Variants in MYO7A observed in about 807,000 individuals in gnomAD.
MYO7A encodes unconventional myosin-VIIa.
MYO7A carries 210 observed loss-of-function variants against 263.8 expected under a neutral mutation model. The observed-to-expected ratio is 0.80, with a 90% CI of 0.71 to 0.89. The LOEUF (loss-of-function observed/expected upper bound fraction) is 0.89. Among genes scored for constraint, MYO7A ranks in the 40% least tolerant of loss-of-function variants. The pLI is 0.00. For missense variants in MYO7A, 2,820 were observed against 2,968.3 expected, an observed-to-expected ratio of 0.95 and a Z score of 1.16; for synonymous variants, 1,239 against 1,197.3, an observed-to-expected ratio of 1.03 and a Z score of -0.72.
intron 31 of MYO7A, chr11:77,193,900 A>G (rs10899359): frequency 0.54 from 226,580 of 416,648 alleles, 63,779 homozygotes; most frequent in African/African-American, 0.68. Flanking sequence ...AACGGTGGTA[A>G]TGGTGATGGA....
intron 31 of MYO7A, among the ~76,000 whole-genome samples, chr11:77,193,114 T>C (rs1271041962): frequency 7.1e-6 from 1 of 140,962 alleles, no homozygotes; most frequent in African/African-American, 2.7e-5. Context: ...ATGCTGTTGG[T>C]GATGGTGGAG....
At chr11:77,188,797 G>C (rs894882477) in intron 27 of MYO7A, among the ~76,000 whole-genome samples, 1 of 152,102 alleles carries the variant, frequency 6.6e-6, no homozygotes, top group Non-Finnish European at 1.5e-5. Context: ...AGTCATACAT[G>C]GCCCCTTAAG....
In MYO7A at chr11:77,194,533, G is replaced by A. The variant is rs757750310; in HGVS notation, c.4323+9G>A. 4 of 1,585,316 alleles carry A rather than the reference G, an allele frequency of 2.5e-6. No homozygotes were observed. Among genetic ancestry groups the A allele is most frequent in the Middle Eastern group, 1.7e-4 (1 of 5,996 alleles). ...TCGCCGCCCACAAGAAGGTAGAAGG[G>A]CTGAGAGGAGTCCTAGAGAAGGGAT... On this transcript the variant is annotated intron_variant, in intron 32 of 48. Coordinates refer to ENST00000409709, the MANE Select transcript of MYO7A (RefSeq NM_000260.4).
At chr11:77,210,796 G>A (rs1432726702) in intron 44 of MYO7A, 2 of 182,076 alleles carry the variant, frequency 1.1e-5, no homozygotes, top group East Asian at 2.8e-4. Context: ...AGAGGAGGAT[G>A]GGCCCAGGAG....
At chr11:77,183,784 C>A (rs1955447230) in intron 26 of MYO7A, among the ~76,000 whole-genome samples, 1 of 152,140 alleles carries the variant, frequency 6.6e-6, no homozygotes, top group African/African-American at 2.4e-5. Context: ...CTCCAGGAAG[C>A]CTCCCCAGCT....
intron 4 of MYO7A, among the ~76,000 whole-genome samples, chr11:77,149,204 ATGT>A (rs1555055823): frequency 2.0e-5 from 3 of 151,430 alleles, no homozygotes; most frequent in Non-Finnish European, 4.4e-5. Flanking sequence ...GAAACCAAGG[ATGT>A]GCAACCCCCA....
At chr11:77,161,231 G>A (rs1315836724) in intron 12 of MYO7A, 116 bp downstream of exon 12, 2 of 1,300,066 alleles carry the variant, frequency 1.5e-6, no homozygotes, top group Non-Finnish European at 2.2e-6. Context: ...CTGCCAGGCT[G>A]TTCCGTCATC....
chr11:77,180,263 CAAAGTCA>C, intron 21 of MYO7A, 104 bp from the exon 22 acceptor site: 16 of 917,798 alleles, frequency 1.7e-5, no homozygotes, highest in Non-Finnish European at 2.5e-5. Context: ...CTTGTCCTAT[CAAAGTCA>C]TGCCCAGTTC....
chr11:77,202,435 CT>C lies in MYO7A; in HGVS notation c.5168+12del, dbSNP rs1448459902. The C allele has an allele frequency of 1.3e-6, 2 of 1,549,244 alleles. No homozygotes were observed. The highest frequency in any genetic ancestry group is 4.9e-5 in the East Asian group (2 of 40,866). ...CTATGACTACTTCAGGTGATGCCTC[CT>C]GGGGAAGGATGGGAGCCACAGGGCT... is the stretch of plus-strand genomic sequence containing the variant. On this transcript the variant is annotated intron_variant, in intron 37 of 48. Transcript: ENST00000409709.
intron 14 of MYO7A, among the ~76,000 whole-genome samples, chr11:77,165,472 C>T (rs1186603696): frequency 6.6e-6 from 1 of 152,184 alleles, no homozygotes; most frequent in Non-Finnish European, 1.5e-5. Context: ...GCACCAGCGT[C>T]CTGGGTTCAA....
chr11:77,208,719 C>A lies in MYO7A; in HGVS notation c.5967C>A (p.Tyr1989Ter), dbSNP rs1957642707. ...CAGGAATTGTGCCCTCACTCACCTA[C>A]CAGGTGTTCTTCATGAAGAAGCTGT... ...IKDGIVPSLT[Y>*]QVFFMKKLWT... is the part of the protein sequence containing the mutation. The change falls in exon 44 of 49, where the codon TAC (tyrosine) becomes TAA (stop). Residue 1989 changes from tyrosine to a stop codon, truncating the protein, a stop_gained. Transcript: ENST00000409709. LOFTEE classifies it high-confidence loss of function. The A allele has an allele frequency of 6.3e-7, 1 of 1,586,826 alleles. No individual in the cohort carries two copies. Among genetic ancestry groups the A allele is most frequent in the Non-Finnish European group, 8.6e-7 (1 of 1,166,242 alleles).
chr11:77,181,266 G>C, intron 22 of MYO7A, 114 bp from the exon 23 acceptor site: 1 of 904,796 alleles, frequency 1.1e-6, no homozygotes, highest in South Asian at 1.8e-5. Context: ...CAGCGGTCAG[G>C]AGGTGGGGAC....
At chr11:77,179,015 T>C (rs1402980146) in intron 19 of MYO7A, 30 bp from the exon 20 acceptor site, 2 of 1,563,558 alleles carry the variant, frequency 1.3e-6, no homozygotes, top group Non-Finnish European at 1.7e-6. Flanking sequence ...CTCTGGACAC[T>C]GCTCACCCGC....
chr11:77,151,528 G>A (rs368440918), intron 4 of MYO7A, among the ~76,000 whole-genome samples: 6 of 152,110 alleles, frequency 3.9e-5, no homozygotes, highest in African/African-American at 1.4e-4. Flanking sequence ...CTACATCTCT[G>A]TGGCCTCAGA....
Position 77,156,661 on chromosome 11 carries a change from G to A in MYO7A, c.472G>A (p.Gly158Arg), listed in dbSNP as rs1555062409. 3 of 1,613,714 alleles carry A rather than the reference G, an allele frequency of 1.9e-6. No individual in the cohort carries two copies. The highest frequency in any genetic ancestry group is 1.3e-5 in the African/African-American group (1 of 74,926). Residue 158 changes from glycine to arginine, a missense_variant and splice_region_variant, in exon 6 of 49, where the codon GGG becomes AGG. By Grantham distance (125) the Gly-to-Arg change is moderately radical. Coordinates refer to ENST00000409709, the MANE Select transcript of MYO7A (RefSeq NM_000260.4). Reference sequence around the variant, plus strand: ...TCCTGCCACTCCCTCCCTCTGCAGTGGGGAATCTGGGGCCGGGAAGACGGA... The same window carrying A: ...TCCTGCCACTCCCTCCCTCTGCAGTAGGGAATCTGGGGCCGGGAAGACGGA... Reference protein sequence around the residue: ...NSRDQCCIISGESGAGKTEST... With the variant: ...NSRDQCCIISRESGAGKTEST...
At chr11:77,137,563 C>T (rs1950953944) in intron 2 of MYO7A, among the ~76,000 whole-genome samples, 1 of 152,152 alleles carries the variant, frequency 6.6e-6, no homozygotes, top group African/African-American at 2.4e-5. Context: ...GCCTTCCGGA[C>T]CCTCGGGATG....
intron 21 of MYO7A, 112 bp from the exon 22 acceptor site, chr11:77,180,262 T>TCTGCCAGATTATTTGG: frequency 1.4e-5 from 13 of 900,836 alleles, no homozygotes; most frequent in Non-Finnish European, 1.8e-6. Flanking sequence ...ACTTGTCCTA[T>TCTGCCAGATTATTTGG]CAAAGTCATG....
chr11:77,156,143 A>C, intron 5 of MYO7A, 52 bp downstream of exon 5: 1 of 1,586,582 alleles, frequency 6.3e-7, no homozygotes, highest in East Asian at 2.3e-5. Context: ...CTAGAGCTCC[A>C]ACTGTGCGCT....
chr11:77,207,230 G>T, intron 41 of MYO7A, 59 bp from the exon 42 acceptor site: 2 of 1,287,108 alleles, frequency 1.6e-6, no homozygotes, highest in African/African-American at 1.5e-5. Context: ...AGAGGGGCCC[G>T]GGAGGACCAG....
Sources: gnomAD v4.1 joint callset for allele counts (sites outside exome capture counted in the v4.1 genomes callset) on GRCh38, gnomAD v4.1.1 for gene constraint, MANE v1.5 for transcripts, NCBI Gene and HGNC (gene_info 2026-07-23, HGNC 2026-07-21) for gene names.